The following TTI2 variants were observed in gnomAD, a reference collection of about 807,000 sequenced individuals.
The protein encoded by TTI2 is TELO2 interacting protein 2.
A neutral mutation model predicts 44.9 loss-of-function variants in TTI2; 26 were observed. The ratio of observed to expected loss-of-function variants is 0.58; its 90% confidence interval spans 0.42 to 0.80. TTI2 has a LOEUF of 0.80. Ranked by LOEUF, TTI2 falls within the 30% of genes least tolerant of loss-of-function variation. TTI2 has a pLI of 0.00. For synonymous variants in TTI2, 254 were observed against 250.9 expected (o/e 1.01, Z -0.12); for missense variants, 582 against 611.6 (o/e 0.95, Z 0.51).
At chr8:33,507,925 G>C (rs932067346) in intron 3 of TTI2, among the ~76,000 whole-genome samples, 4 of 149,320 alleles carry the variant, frequency 2.7e-5, no homozygotes, top group African/African-American at 9.9e-5. Context: ...GGGGGTTGAG[G>C]CTGCAGTGAG....
At chr8:33,509,565 TATC>T (rs1057153593) in intron 3 of TTI2, among the ~76,000 whole-genome samples, 178 bp downstream of exon 3, 3 of 152,078 alleles carry the variant, frequency 2.0e-5, no homozygotes, top group Admixed American at 6.6e-5. Flanking sequence ...CTTCTATAAT[TATC>T]ATTTTAGTTA....
At chr8:33,501,524 C>T (rs1374131989) in intron 6 of TTI2, among the ~76,000 whole-genome samples, 2 of 152,216 alleles carry the variant, frequency 1.3e-5, no homozygotes, top group Non-Finnish European at 2.9e-5. Flanking sequence ...GATTCATTCT[C>T]TTCCAGTCCA....
chr8:33,510,898 G>T (rs778562475), intron 2 of TTI2, among the ~76,000 whole-genome samples: 2 of 152,094 alleles, frequency 1.3e-5, no homozygotes. Flanking sequence ...GTAATCTAAA[G>T]GTGCTTTTCA....
chr8:33,503,457 T>G lies in TTI2; in HGVS notation c.1231A>C (p.Lys411Gln), dbSNP rs1373910703. 6.2e-7 allele frequency: 1 copy of G among 1,614,154 alleles called. No individual in the cohort carries two copies. Residue 411 changes from lysine to glutamine, a missense_variant, in exon 6 of 8, where the codon AAA becomes CAA. Coordinates refer to ENST00000431156, the MANE Select transcript of TTI2 (RefSeq NM_001102401.4). ...EARLKILETL[K>Q]LLMQHTWPRV... Reference sequence around the variant, plus strand: ...GGCCAAGTATGTTGCATGAGAAGTTTTAGGGTTTCCAATATCTTCAGTCTA... The same window carrying G: ...GGCCAAGTATGTTGCATGAGAAGTTGTAGGGTTTCCAATATCTTCAGTCTA...
intron 2 of TTI2, 47 bp from the exon 3 acceptor site, chr8:33,509,979 C>CAAAAAAAAAAAAA: frequency 2.4e-6 from 1 of 416,694 alleles, no homozygotes; most frequent in East Asian, 4.9e-5. Flanking sequence ...TGATAAGTAG[C>CAAAAAAAAAAAAA]AAAAAAAAAA....
chr8:33,504,716 TG>T (rs1205077211), intron 4 of TTI2, among the ~76,000 whole-genome samples: 2 of 152,128 alleles, frequency 1.3e-5, no homozygotes, highest in African/African-American at 4.8e-5. Context: ...TACAGATTTG[TG>T]TTGGGCTGCA....
At chr8:33,507,415 G>A in intron 3 of TTI2, 94 bp from the exon 4 acceptor site, 6 of 1,086,072 alleles carry the variant, frequency 5.5e-6, no homozygotes, top group Non-Finnish European at 8.4e-6. Context: ...TATGAAGCAT[G>A]AAGAACATGC....
At chr8:33,504,289 A>ATTTTTTTTTTTTTTTTTTTTTTT (rs1169577360) in intron 4 of TTI2, among the ~76,000 whole-genome samples, 1 of 72,978 alleles carries the variant, frequency 1.4e-5, no homozygotes, top group East Asian at 5.0e-4. Flanking sequence ...ATATTTACAC[A>ATTTTTTTTTTTTTTTTTTTTTTT]TTTTTTTTTT....
At chr8:33,512,853 C>A in intron 1 of TTI2, 141 bp from the exon 2 acceptor site, 3 of 253,676 alleles carry the variant, frequency 1.2e-5, no homozygotes, top group Non-Finnish European at 1.4e-5. Context: ...CCAGCCTGGG[C>A]GACAGAGTGA....
At position 33,499,111 on chromosome 8, in the gene TTI2, C is replaced by T. The variant is rs551359589; in HGVS notation, c.*62G>A. The T allele has an allele frequency of 6.1e-6, 8 of 1,321,178 alleles. No individual in the cohort carries two copies. Among genetic ancestry groups the T allele is most frequent in the Admixed American group, 5.1e-5 (3 of 58,824 alleles). The allele number at this position is 1,321,178 out of a possible 1,614,324, so 81.8% of individuals were successfully genotyped here. A position where few individuals can be genotyped will look rare whatever the true frequency, so the allele number is the denominator to read the frequency against. On this transcript the variant is annotated 3_prime_UTR_variant, in exon 8 of 8. Transcript: ENST00000431156. ...AAAAATATCTTTTTTTCTTAAATAACTCCATTCATACAAATTGGGATGGGA... is the reference window on the plus strand; with the variant it reads ...AAAAATATCTTTTTTTCTTAAATAATTCCATTCATACAAATTGGGATGGGA...
In TTI2 at chr8:33,512,297, T is replaced by C; in HGVS notation, c.317A>G (p.His106Arg). The C allele has an allele frequency of 6.2e-7, 1 of 1,614,090 alleles. No individual in the cohort carries two copies. The highest frequency in any genetic ancestry group is 1.1e-5 in the South Asian group (1 of 91,082). The change falls in exon 2 of 8, where the codon CAC (histidine) becomes CGC (arginine). Residue 106 changes from histidine to arginine, a missense_variant. By Grantham distance (29) the His-to-Arg change is conservative. Coordinates refer to ENST00000431156, the MANE Select transcript of TTI2 (RefSeq NM_001102401.4). ...GGCTGCTTTCTCGGCCGCTTCGGAG[T>C]GCCCATCACCTCCACCTTCCTCCTC... ...SKEEEGGGDG[H>R]SEAAEKAAQV...
intron 6 of TTI2, chr8:33,501,212 C>T (rs7848): frequency 0.64 from 97,947 of 152,018 alleles, 31,915 homozygotes; most frequent in African/African-American, 0.71. Context: ...ATTTAACTTA[C>T]AATGTGAAAA....
intron 4 of TTI2, among the ~76,000 whole-genome samples, chr8:33,506,389 C>CCTTTTTT (rs749681404): frequency 1.9e-5 from 2 of 106,914 alleles, no homozygotes; most frequent in African/African-American, 6.6e-5. Flanking sequence ...AAGTAACGTA[C>CCTTTTTT]TTTTTTTTTT....
chr8:33,500,099 A>G (rs1213406638), intron 7 of TTI2: 2 of 496,674 alleles, frequency 4.0e-6, no homozygotes, highest in Non-Finnish European at 7.2e-6. Context: ...CCCCAGTGAC[A>G]TGTGCTGATC....
chr8:33,512,121 T>G lies in TTI2; in HGVS notation c.493A>C (p.Thr165Pro). ...CTAGCAACTTCCCGAGATCTCGGAGTGGTCCATGGTTGCTCCAAGCTGTGT... is the reference window on the plus strand; with the variant it reads ...CTAGCAACTTCCCGAGATCTCGGAGGGGTCCATGGTTGCTCCAAGCTGTGT... ...ITHSLEQPWT[T>P]PRSREVAREV... The change falls in exon 2 of 8, where the codon ACT (threonine) becomes CCT (proline). Residue 165 changes from threonine (T) to proline (P), a missense_variant. Thr to Pro is a conservative substitution (Grantham distance 38). Coordinates refer to ENST00000431156, the MANE Select transcript of TTI2 (RefSeq NM_001102401.4). 6.2e-7 allele frequency: 1 copy of G among 1,613,822 alleles called. No homozygotes were observed. The highest frequency in any genetic ancestry group is 1.1e-5 in the South Asian group (1 of 91,064).
intron 3 of TTI2, among the ~76,000 whole-genome samples, chr8:33,508,806 CCT>C (rs1809401552): frequency 1.3e-5 from 2 of 151,504 alleles, no homozygotes; most frequent in Admixed American, 6.6e-5. Context: ...GGATATAGTC[CCT>C]TTCAGGCTCT....
At position 33,498,905 on chromosome 8, in the gene TTI2, G is replaced by A. The variant is rs549633370; in HGVS notation, c.*268C>T. 33 of 579,252 alleles carry A rather than the reference G, an allele frequency of 5.7e-5. No individual in the cohort carries two copies. Among genetic ancestry groups the A allele is most frequent in the African/African-American group, 5.4e-4 (29 of 53,608 alleles). The allele number at this position is 579,252 out of a possible 1,614,324, so 35.9% of individuals were successfully genotyped here. ...AGATGAGTTCTTGAATCTGGGATGA[G>A]ATGACGGATGTAAATATTTCTAAAT... On this transcript the variant is annotated 3_prime_UTR_variant, in exon 8 of 8. Coordinates refer to ENST00000431156, the MANE Select transcript of TTI2 (RefSeq NM_001102401.4).
rs1192891722 is a variant in TTI2, at chr8:33,512,190, C to A, written c.424G>T (p.Gly142Cys). The change falls in exon 2 of 8, where the codon GGC becomes TGC. Residue 142 changes from glycine (G) to cysteine (C), a missense_variant. Coordinates refer to ENST00000431156, the MANE Select transcript of TTI2 (RefSeq NM_001102401.4). Reference protein sequence around the residue: ...NSLVGPAWQTGLHHLAGPVYI... With the variant: ...NSLVGPAWQTCLHHLAGPVYI... ...ACGGGTCCTGCCAAGTGATGCAGGC[C>A]CGTCTGCCATGCAGGGCCGACCAGG... The A allele has an allele frequency of 6.2e-7, 1 of 1,614,126 alleles. No homozygotes were observed. Among genetic ancestry groups the A allele is most frequent in the Non-Finnish European group, 8.5e-7 (1 of 1,180,028 alleles).
intron 4 of TTI2, among the ~76,000 whole-genome samples, chr8:33,505,076 A>G (rs970378917): frequency 3.9e-5 from 6 of 152,082 alleles, no homozygotes; most frequent in Non-Finnish European, 7.3e-5. Flanking sequence ...TACAAAAATT[A>G]GCTGGGCATG....
Sources: gnomAD v4.1 joint callset for allele counts (sites outside exome capture counted in the v4.1 genomes callset) on GRCh38, gnomAD v4.1.1 for gene constraint, MANE v1.5 for transcripts, NCBI Gene and HGNC (gene_info 2026-07-23, HGNC 2026-07-21) for gene names.